Variants in ZNF385D observed in about 807,000 individuals in gnomAD.
ZNF385D encodes the protein zinc finger protein 385D, also known as zinc finger protein 659.
A neutral mutation model predicts 35.8 loss-of-function variants in ZNF385D; 15 were observed. The ratio of observed to expected loss-of-function variants is 0.42; its 90% CI spans 0.28 to 0.64. The LOEUF (loss-of-function observed/expected upper bound fraction) is 0.64. Ranked by LOEUF, ZNF385D falls within the 30% of genes least tolerant of loss-of-function variation. The pLI is 0.23. For synonymous variants in ZNF385D, 212 were observed against 186.8 expected (o/e 1.13, Z -1.10); for missense variants, 474 against 494.6 (o/e 0.96, Z 0.39).
chr3:21,825,190 A>T (rs1374577507), intron 3 of ZNF385D, among the ~76,000 whole-genome samples: 1 of 152,150 alleles, frequency 6.6e-6, no homozygotes, highest in Non-Finnish European at 1.5e-5. Context: ...AATTCTGATT[A>T]TTTTTTCACC....
upstream of ZNF385D, chr3:21,751,369 AG>A: frequency 9.6e-7 from 1 of 1,041,440 alleles, no homozygotes; most frequent in Non-Finnish European, 1.2e-6. Context: ...GGGGCGCGGG[AG>A]GCTCTCTTAA....
At chr3:21,747,279 G>A (rs1434906263) in intron 1 of ZNF385D, among the ~76,000 whole-genome samples, 1 of 152,114 alleles carries the variant, frequency 6.6e-6, no homozygotes, top group Non-Finnish European at 1.5e-5. Context: ...AACATTTAGG[G>A]AGAGCTCTAA....
intron 3 of ZNF385D, among the ~76,000 whole-genome samples, chr3:22,003,872 CA>C (rs34327227): frequency 0.3 from 41,798 of 141,060 alleles, 6,267 homozygotes; most frequent in South Asian, 0.45. Flanking sequence ...ATCCCCCCAC[CA>C]AAAAAAAAAG....
chr3:22,034,967 T>C (rs1290473988), intron 3 of ZNF385D, among the ~76,000 whole-genome samples: 5 of 152,180 alleles, frequency 3.3e-5, no homozygotes, highest in African/African-American at 1.2e-4. Flanking sequence ...AACATATCAA[T>C]AGGAAAAATT....
intron 3 of ZNF385D, among the ~76,000 whole-genome samples, chr3:21,836,341 CCT>C (rs1695330141): frequency 6.6e-6 from 1 of 152,066 alleles, no homozygotes; most frequent in South Asian, 2.1e-4. Context: ...TCTCTCTTCC[CCT>C]CATCTCTTAC....
intron 2 of ZNF385D, among the ~76,000 whole-genome samples, chr3:22,337,512 C>G (rs1417526374): frequency 1.3e-5 from 2 of 151,956 alleles, no homozygotes; most frequent in African/African-American, 4.8e-5. Context: ...CCAGCCTGGG[C>G]AACAGAGTGA....
Position 22,243,864 on chromosome 3 carries a change from G to A in ZNF385D, c.107-74829C>T, listed in dbSNP as rs138581504. On this transcript the variant is annotated intron_variant, in intron 2 of 5. Transcript: ENST00000494108. ...GGAGCTCAGCACTCCATCCAAAGTG[G>A]TATTCAATTGACAGCTGGAAATATG... 3.1e-4 allele frequency among the ~76,000 whole-genome samples: 47 copies of A among 150,858 alleles called. 2 individuals are homozygous for A. Among genetic ancestry groups the A allele is most frequent in the Admixed American group, 2.7e-3 (41 of 15,144 alleles).
chr3:21,672,571 C>T (rs1310874002), intron 1 of ZNF385D, among the ~76,000 whole-genome samples: 2 of 152,112 alleles, frequency 1.3e-5, no homozygotes, highest in African/African-American at 4.8e-5. Flanking sequence ...GATTCAAAAA[C>T]ATTTGCCCAT....
intron 3 of ZNF385D, among the ~76,000 whole-genome samples, chr3:21,954,667 C>T (rs1470913519): frequency 6.6e-6 from 1 of 152,076 alleles, no homozygotes. Flanking sequence ...TATATATTAA[C>T]TGAAGGTAAA....
chr3:22,277,887 T>G (rs1701511498), intron 2 of ZNF385D, among the ~76,000 whole-genome samples: 1 of 152,020 alleles, frequency 6.6e-6, no homozygotes, highest in Non-Finnish European at 1.5e-5. Flanking sequence ...TAAGGCTTAG[T>G]GTGTTTAAAG....
chr3:21,914,380 A>C (rs953307279), intron 3 of ZNF385D, among the ~76,000 whole-genome samples: 1 of 40,020 alleles, frequency 2.5e-5, no homozygotes, highest in Admixed American at 3.9e-4. Context: ...CTTTTGTTTG[A>C]CTTTTTTTTT....
intron 2 of ZNF385D, among the ~76,000 whole-genome samples, chr3:22,261,558 T>A (rs1203959091): frequency 6.6e-6 from 1 of 151,994 alleles, no homozygotes; most frequent in Non-Finnish European, 1.5e-5. Flanking sequence ...TCCGTCCCTA[T>A]CCTGCTCTGT....
Position 21,831,981 on chromosome 3 carries a change from T to C in ZNF385D, c.326-166953A>G, listed in dbSNP as rs570477504. On this transcript the variant is annotated intron_variant, in intron 3 of 5. Coordinates refer to the ZNF385D transcript ENST00000494108. ...TTTAAAATATAAACATTTGACATTA[T>C]AATGCACTATCCCTTTAATTAGCTT... is the stretch of plus-strand genomic sequence containing the variant. 1.3e-5 allele frequency among the ~76,000 whole-genome samples: 2 copies of C among 152,350 alleles called. 1 individual carries two copies. The highest frequency in any genetic ancestry group is 4.1e-4 in the South Asian group (2 of 4,828).
At chr3:22,152,819 G>A (rs945455891) in intron 3 of ZNF385D, among the ~76,000 whole-genome samples, 1 of 152,092 alleles carries the variant, frequency 6.6e-6, no homozygotes, top group Non-Finnish European at 1.5e-5. Flanking sequence ...ATCTTTTGGG[G>A]AGTATTATTT....
chr3:22,311,757 T>C (rs1703565277), intron 2 of ZNF385D, among the ~76,000 whole-genome samples: 1 of 152,110 alleles, frequency 6.6e-6, no homozygotes. Flanking sequence ...GACACAAATC[T>C]AGTACTTTTA....
chr3:21,891,817 T>A (rs1376612711), intron 3 of ZNF385D, among the ~76,000 whole-genome samples: 1 of 152,182 alleles, frequency 6.6e-6, no homozygotes, highest in Non-Finnish European at 1.5e-5. Context: ...ACAGTAAGTT[T>A]CACTTACTTT....
chr3:21,598,327 G>C (rs2064182687), intron 2 of ZNF385D, among the ~76,000 whole-genome samples: 1 of 152,086 alleles, frequency 6.6e-6, no homozygotes, highest in African/African-American at 2.4e-5. Context: ...TAGATCATAG[G>C]TTACATGCAT....
At chr3:21,561,304 C>T (rs746643114) in intron 3 of ZNF385D, among the ~76,000 whole-genome samples, 1 of 152,148 alleles carries the variant, frequency 6.6e-6, no homozygotes, top group Non-Finnish European at 1.5e-5. Flanking sequence ...TCCTGGTCTG[C>T]GGGTTGCAAA....
intron 3 of ZNF385D, among the ~76,000 whole-genome samples, chr3:21,535,753 A>G (rs1314797103): frequency 6.6e-6 from 1 of 152,084 alleles, no homozygotes; most frequent in Non-Finnish European, 1.5e-5. Context: ...AGATCTAACT[A>G]GCCACTTTTA....
Sources: allele counts gnomAD v4.1 joint callset (sites outside exome capture counted in the v4.1 genomes callset), GRCh38; gene constraint gnomAD v4.1.1; transcripts MANE v1.5; gene names NCBI Gene and HGNC (gene_info 2026-07-23, HGNC 2026-07-21).